The following XPO1 variants were observed in gnomAD, a reference collection of about 807,000 sequenced individuals.
The protein encoded by XPO1 is exportin 1.
In XPO1, 5 loss-of-function variants were observed where a neutral mutation model predicts 133.3. The ratio of observed to expected loss-of-function variants is 0.04; its 90% CI spans 0.02 to 0.08. The LOEUF is 0.08. Ranked by LOEUF, XPO1 falls within the 10% of genes least tolerant of loss-of-function variation. The probability of loss-of-function intolerance (pLI) is 1.00; values close to 1 mark genes in which losing one functional copy is unlikely to be tolerated. For missense variants in XPO1, 506 were observed against 1,267.5 expected, an observed-to-expected ratio of 0.40 and a Z score of 9.12; for synonymous variants, 419 against 408.2, an observed-to-expected ratio of 1.03 and a Z score of -0.32.
chr2:61,506,689 A>ATAAG (rs1697835892), intron 4 of XPO1, among the ~76,000 whole-genome samples: 3 of 147,828 alleles, frequency 2.0e-5, no homozygotes, highest in Admixed American at 2.0e-4. Context: ...TCCACCTCAA[A>ATAAG]TAAATAAATA....
chr2:61,528,540 G>A (rs1271551343), intron 2 of XPO1, among the ~76,000 whole-genome samples: 1 of 151,428 alleles, frequency 6.6e-6, no homozygotes, highest in Non-Finnish European at 1.5e-5. Flanking sequence ...GGCTGAGGCA[G>A]GAGAATCGCT....
chr2:61,500,303 G>C (rs1697440253), intron 6 of XPO1, among the ~76,000 whole-genome samples: 1 of 151,888 alleles, frequency 6.6e-6, no homozygotes, highest in Non-Finnish European at 1.5e-5. Context: ...TGGCCAGGCT[G>C]GGCGTGGTAG....
chr2:61,491,711 TG>T lies in XPO1; in HGVS notation c.1887+323del, dbSNP rs1427662492. 4.6e-5 allele frequency among the ~76,000 whole-genome samples: 7 copies of T among 152,002 alleles called. No individual in the cohort carries two copies. In the East Asian group the frequency reaches 1.4e-3, roughly 29 times the overall value. On this transcript the variant is annotated intron_variant, in intron 16 of 24. Transcript: ENST00000401558. ...GAGTTCAAGACCAGCCTGGGCCACTTGGCAAAACCCCATCTCTACCAAGGGG... is the reference window on the plus strand; with the variant it reads ...GAGTTCAAGACCAGCCTGGGCCACTTGCAAAACCCCATCTCTACCAAGGGG...
In XPO1 at chr2:61,502,012, T is replaced by C. The variant is rs1308797153; in HGVS notation, c.392A>G (p.Asn131Ser). 1 of 1,600,916 alleles carries C rather than the reference T, an allele frequency of 6.2e-7. No homozygotes were observed. The highest frequency in any genetic ancestry group is 8.5e-7 in the Non-Finnish European group (1 of 1,172,064). Residue 131 changes from asparagine to serine, a missense_variant, in exon 6 of 25, where the codon AAT becomes AGT. This residue lies in a region of XPO1 where 68 missense variants were observed against 210.5 expected (regional missense o/e 0.32). Coordinates refer to ENST00000401558, the MANE Select transcript of XPO1 (RefSeq NM_003400.4). ...AAAGCTTACCTGAACAAGGATCATA[T>C]TTAATTTTCCGATATACACCTTTTC... is the stretch of plus-strand genomic sequence containing the variant. ...EKEKVYIGKL[N>S]MILVQILKQE...
intron 2 of XPO1, 24 bp from the exon 3 acceptor site, chr2:61,526,545 AAACTT>A (rs753138910): frequency 6.5e-7 from 1 of 1,527,884 alleles, no homozygotes; most frequent in Admixed American, 2.3e-5. Context: ...AAAAAAAACA[AAACTT>A]AAGCTAATGT....
At chr2:61,506,526 G>C (rs931894649) in intron 4 of XPO1, among the ~76,000 whole-genome samples, 62 of 149,750 alleles carry the variant, frequency 4.1e-4, no homozygotes, top group African/African-American at 1.5e-3. Context: ...TTGAACCCAG[G>C]AGCCAGAGGT....
At chr2:61,508,087 G>A (rs1264029787) in intron 4 of XPO1, among the ~76,000 whole-genome samples, 1 of 151,776 alleles carries the variant, frequency 6.6e-6, no homozygotes. Context: ...GGTCAGGTTG[G>A]GCATGGTGGC....
At chr2:61,498,964 G>A (rs1021317947) in intron 7 of XPO1, 51 bp from the exon 8 acceptor site, 2 of 1,513,700 alleles carry the variant, frequency 1.3e-6, no homozygotes, top group Non-Finnish European at 1.8e-6. Flanking sequence ...ACAGAAATAA[G>A]TATCAGTTAT....
At chr2:61,491,475 C>CAA (rs762766013) in intron 16 of XPO1, among the ~76,000 whole-genome samples, 22 of 150,666 alleles carry the variant, frequency 1.5e-4, no homozygotes, top group Middle Eastern at 3.4e-3. Context: ...CACACACACA[C>CAA]ACACACACAC....
At chr2:61,530,965 A>G (rs535635690) in intron 2 of XPO1, among the ~76,000 whole-genome samples, 10 of 152,282 alleles carry the variant, frequency 6.6e-5, no homozygotes, top group African/African-American at 2.4e-4. Flanking sequence ...TTTAAACCTC[A>G]TAACTAACCC....
At chr2:61,483,196 T>A (rs1164728644) in intron 21 of XPO1, 105 bp from the exon 22 acceptor site, 1 of 1,294,790 alleles carries the variant, frequency 7.7e-7, no homozygotes, top group African/African-American at 1.5e-5. Context: ...GTTCTCCCTT[T>A]TTTTTGGGAT....
intron 4 of XPO1, 80 bp from the exon 5 acceptor site, chr2:61,502,390 G>T: frequency 1.5e-6 from 2 of 1,300,544 alleles, no homozygotes; most frequent in Non-Finnish European, 2.2e-6. Context: ...ACTAATTAAT[G>T]TGGGAATGGA....
intron 4 of XPO1, among the ~76,000 whole-genome samples, chr2:61,516,730 T>A (rs1207742110): frequency 6.6e-6 from 1 of 151,918 alleles, no homozygotes; most frequent in Non-Finnish European, 1.5e-5. Flanking sequence ...TAAGTTTTTA[T>A]CAATCAATGA....
At chr2:61,522,759 G>T in intron 3 of XPO1, 76 bp from the exon 4 acceptor site, 1 of 1,034,224 alleles carries the variant, frequency 9.7e-7, no homozygotes, top group Non-Finnish European at 1.5e-6. Context: ...CAAATGGACA[G>T]ACATTCACAC....
chr2:61,504,398 T>G (rs1273757328), intron 4 of XPO1, among the ~76,000 whole-genome samples: 2 of 152,178 alleles, frequency 1.3e-5, no homozygotes, highest in Non-Finnish European at 2.9e-5. Flanking sequence ...ACACCTATAT[T>G]GAAACACTAA....
intron 4 of XPO1, among the ~76,000 whole-genome samples, chr2:61,510,922 C>CGTGA (rs1238745068): frequency 1.9e-4 from 26 of 137,766 alleles, no homozygotes; most frequent in African/African-American, 7.2e-4. Context: ...TGGGCGACAG[C>CGTGA]GTGAGACCTT....
intron 4 of XPO1, 53 bp downstream of exon 4, chr2:61,522,558 T>A (rs1389086358): frequency 7.2e-6 from 11 of 1,518,648 alleles, no homozygotes; most frequent in Non-Finnish European, 1.0e-5. Flanking sequence ...TCAACTACAA[T>A]AAAAATGCCA....
At chr2:61,525,991 G>A in intron 3 of XPO1, 1 of 1,060,482 alleles carries the variant, frequency 9.4e-7, no homozygotes, top group Non-Finnish European at 1.1e-6. Flanking sequence ...AAAACTGAGT[G>A]CTGTCCCATT....
chr2:61,486,082 T>C (rs1282911097), intron 19 of XPO1, 120 bp from the exon 20 acceptor site: 2 of 873,850 alleles, frequency 2.3e-6, no homozygotes, highest in Non-Finnish European at 3.2e-6. Context: ...CAGGAAAATC[T>C]TGTGTTTGTA....
Sources: gnomAD v4.1 joint callset for allele counts (sites outside exome capture counted in the v4.1 genomes callset) on GRCh38, gnomAD v4.1.1 for gene constraint, gnomAD v4.1.1 regional missense constraint, MANE v1.5 for transcripts, NCBI Gene and HGNC (gene_info 2026-07-23, HGNC 2026-07-21) for gene names.